The following LMO4 variants were observed in gnomAD, a reference collection of about 807,000 sequenced individuals.
LMO4 encodes LIM domain transcription factor LMO4.
In LMO4, 3 loss-of-function variants were observed where a neutral mutation model predicts 18.5. That is an observed-to-expected ratio of 0.16 (90% CI 0.07 to 0.42). The LOEUF is 0.42. Among genes scored for constraint, LMO4 ranks in the 10% least tolerant of loss-of-function variants. The pLI, the probability that LMO4 is intolerant of heterozygous loss-of-function variation, is 0.99. For missense variants in LMO4, 121 were observed against 219.9 expected (o/e 0.55, Z 2.84); for synonymous variants, 100 against 88.1 (o/e 1.14, Z -0.76).
At position 87,337,572 on chromosome 1, in the gene LMO4, C is replaced by G. The variant is rs533176702; in HGVS notation, c.237-1964C>G. Among the ~76,000 whole-genome samples, 4 of 152,198 alleles carry G rather than the reference C, an allele frequency of 2.6e-5. No individual in the cohort carries two copies. The East Asian group carries it at 7.7e-4, about 29-fold the overall frequency. ...TAGCCTTGTTAGGATTCTGTCACCC[C>G]CTTCTACCCCCATTACCTGTCTTCT... On this transcript the variant is annotated intron_variant, in intron 2 of 4. Coordinates refer to ENST00000370544, the MANE Select transcript of LMO4 (RefSeq NM_006769.4).
At chr1:87,331,677 A>C in intron 1 of LMO4, 1 of 318,186 alleles carries the variant, frequency 3.1e-6, no homozygotes. Flanking sequence ...GGGGGCTGGG[A>C]GGAGGTGCCG....
intron 1 of LMO4, among the ~76,000 whole-genome samples, chr1:87,330,827 T>G (rs1261040347): frequency 6.6e-6 from 1 of 152,170 alleles, no homozygotes; most frequent in Admixed American, 6.5e-5. Context: ...ACAGAATAAG[T>G]GACTAGAGGA....
At chr1:87,338,342 T>C (rs1158627010) in intron 2 of LMO4, among the ~76,000 whole-genome samples, 1 of 152,248 alleles carries the variant, frequency 6.6e-6, no homozygotes, top group African/African-American at 2.4e-5. Flanking sequence ...GAAATGCAAA[T>C]GTTAATATTT....
Position 87,347,453 on chromosome 1 carries a change from T to G in LMO4, c.*2657T>G, listed in dbSNP as rs1158192760. The G allele has an allele frequency of 6.6e-6, 1 of 151,814 alleles. No homozygotes were observed. The highest frequency in any genetic ancestry group is 1.5e-5 in the Non-Finnish European group (1 of 67,974). 9.4% of individuals were successfully genotyped at this position (151,814 alleles called of 1,614,324 possible). On this transcript the variant is annotated 3_prime_UTR_variant, in exon 5 of 5. Transcript: ENST00000370544. Reference sequence around the variant, plus strand: ...GCAGTTCCTCCCCCAATCTCAACATTGCTTAGGAAAAAAAAAAATCTATGA... The same window carrying G: ...GCAGTTCCTCCCCCAATCTCAACATGGCTTAGGAAAAAAAAAAATCTATGA...
intron 2 of LMO4, among the ~76,000 whole-genome samples, chr1:87,337,490 T>C (rs1650347889): frequency 6.6e-6 from 1 of 152,212 alleles, no homozygotes; most frequent in Non-Finnish European, 1.5e-5. Context: ...CAACCATAAT[T>C]ATAGATTCTT....
At chr1:87,332,583 G>T (rs530204669) in intron 2 of LMO4, among the ~76,000 whole-genome samples, 3 of 152,334 alleles carry the variant, frequency 2.0e-5, no homozygotes, top group African/African-American at 7.2e-5. Context: ...CATCCCAAGC[G>T]GGAGTTAAGC....
rs145674458 is a variant in LMO4 at position 87,337,027 on chromosome 1, A to G, written c.237-2509A>G. Among the ~76,000 whole-genome samples, 259 of 152,260 alleles carry G rather than the reference A, an allele frequency of 1.7e-3. 1 individual carries two copies. The highest frequency in any genetic ancestry group is 2.4e-3 in the Non-Finnish European group (161 of 68,024). On this transcript the variant is annotated intron_variant, in intron 2 of 4. Transcript: ENST00000370544. ...CTTTTCAGAAAAAGGGTGGAATTCT[A>G]ATGGTAGCCTTCCTCTCTGGTAAAA...
At chr1:87,335,996 T>C (rs1650300250) in intron 2 of LMO4, among the ~76,000 whole-genome samples, 1 of 139,890 alleles carries the variant, frequency 7.1e-6, no homozygotes, top group South Asian at 2.3e-4. Context: ...GCAGATCTGT[T>C]ACTCTGAATT....
chr1:87,334,805 T>A (rs1238860353), intron 2 of LMO4, among the ~76,000 whole-genome samples: 1 of 152,030 alleles, frequency 6.6e-6, no homozygotes, highest in African/African-American at 2.4e-5. Context: ...CTGCCTCCTC[T>A]CCCTCCAAGA....
chr1:87,335,969 C>T (rs570614454), intron 2 of LMO4, among the ~76,000 whole-genome samples: 2 of 151,468 alleles, frequency 1.3e-5, no homozygotes, highest in South Asian at 4.2e-4. Flanking sequence ...AATTCAAGGC[C>T]TCCAATTCAC....
intron 2 of LMO4, among the ~76,000 whole-genome samples, chr1:87,335,526 C>T (rs559421751): frequency 6.6e-6 from 1 of 151,996 alleles, no homozygotes; most frequent in Admixed American, 6.5e-5. Context: ...TCCACTCGGG[C>T]GGTTCACGTG....
chr1:87,343,161 A>G (rs771085727), intron 4 of LMO4, among the ~76,000 whole-genome samples: 9 of 152,134 alleles, frequency 5.9e-5, no homozygotes, highest in Non-Finnish European at 8.8e-5. Flanking sequence ...ATAGGCCCCC[A>G]TTGTCTGGTC....
chr1:87,339,650 C>G lies in LMO4; in HGVS notation c.333+18C>G. On this transcript the variant is annotated intron_variant, in intron 3 of 4. Coordinates refer to ENST00000370544, the MANE Select transcript of LMO4 (RefSeq NM_006769.4). Reference sequence around the variant, plus strand: ...ATCTTAAGGTAGTATTTGCATCTCTCTTTTTTTTTTAAAAAAAAAATCATA... The same window carrying G: ...ATCTTAAGGTAGTATTTGCATCTCTGTTTTTTTTTTAAAAAAAAAATCATA... 1 of 1,365,832 alleles carries G rather than the reference C, an allele frequency of 7.3e-7. No individual in the cohort carries two copies. Among genetic ancestry groups the G allele is most frequent in the African/African-American group, 1.5e-5 (1 of 66,560 alleles). The allele number at this position is 1,365,832 out of a possible 1,614,324, so 84.6% of individuals were successfully genotyped here. A position where few individuals can be genotyped will look rare whatever the true frequency, so the allele number is the denominator to read the frequency against.
At position 87,345,931 on chromosome 1, in the gene LMO4, G is replaced by A. The variant is rs1650612037; in HGVS notation, c.*1135G>A. ...TTCTCAATAGCAAACAAAGCCTTGG[G>A]TATTGATGAAAAGTATGTATAAAAA... On this transcript the variant is annotated 3_prime_UTR_variant, in exon 5 of 5. Coordinates refer to ENST00000370544, the MANE Select transcript of LMO4 (RefSeq NM_006769.4). 1 of 152,050 alleles carries A rather than the reference G, an allele frequency of 6.6e-6. No homozygotes were observed. The highest frequency in any genetic ancestry group is 1.5e-5 in the Non-Finnish European group (1 of 68,012). 9.4% of individuals were successfully genotyped at this position (152,050 alleles called of 1,614,324 possible). A position where few individuals can be genotyped will look rare whatever the true frequency, so the allele number is the denominator to read the frequency against.
At chr1:87,344,280 C>CA (rs1650570000) in intron 4 of LMO4, among the ~76,000 whole-genome samples, 1 of 152,154 alleles carries the variant, frequency 6.6e-6, no homozygotes, top group South Asian at 2.1e-4. Flanking sequence ...AAAGTGCTCC[C>CA]ATATGTATTA....
At chr1:87,336,778 C>T (rs1650327580) in intron 2 of LMO4, among the ~76,000 whole-genome samples, 1 of 152,156 alleles carries the variant, frequency 6.6e-6, no homozygotes, top group African/African-American at 2.4e-5. Flanking sequence ...TAAAGACTCC[C>T]CTGGCTTTAA....
At chr1:87,331,758 C>T in intron 1 of LMO4, 7 of 503,878 alleles carry the variant, frequency 1.4e-5, no homozygotes, top group Non-Finnish European at 1.4e-5. Context: ...TTGTCAGCGG[C>T]GGCAAGCGCA....
At chr1:87,341,048 T>G (rs988739065) in intron 4 of LMO4, among the ~76,000 whole-genome samples, 1 of 152,242 alleles carries the variant, frequency 6.6e-6, no homozygotes, top group African/African-American at 2.4e-5. Context: ...GAGTGCATTT[T>G]GATAACTGCT....
At chr1:87,334,083 C>A (rs1045467721) in intron 2 of LMO4, among the ~76,000 whole-genome samples, 1 of 152,142 alleles carries the variant, frequency 6.6e-6, no homozygotes, top group Admixed American at 6.5e-5. Context: ...TTTCTCTATT[C>A]TTGGGGCCAA....
Sources: allele counts gnomAD v4.1 joint callset (sites outside exome capture counted in the v4.1 genomes callset), GRCh38; gene constraint gnomAD v4.1.1; transcripts MANE v1.5; gene names NCBI Gene and HGNC (gene_info 2026-07-23, HGNC 2026-07-21).